The following FHIT variants were observed in gnomAD, a reference collection of about 807,000 sequenced individuals.
The protein encoded by FHIT is bis(5'-adenosyl)-triphosphatase.
Under a neutral mutation model 17.9 loss-of-function variants are expected in FHIT, and 19 were observed. The observed-to-expected ratio is 1.06, with a 90% CI of 0.74 to 1.56. The LOEUF is 1.56. Ranked by LOEUF, FHIT falls within the 40% of genes most tolerant of loss-of-function variation. FHIT has a pLI of 0.00. For missense variants in FHIT, 248 were observed against 189.2 expected, an observed-to-expected ratio of 1.31 and a Z score of -1.82; for synonymous variants, 81 against 69.7, an observed-to-expected ratio of 1.16 and a Z score of -0.81.
intron 1 of FHIT, among the ~76,000 whole-genome samples, chr3:61,213,032 T>TA (rs1179587969): frequency 6.6e-6 from 1 of 152,144 alleles, no homozygotes; most frequent in East Asian, 1.9e-4. Flanking sequence ...GAACAACCAG[T>TA]ACCAGCCACT....
At chr3:61,230,467 ACCATG>A (rs1560097499) in intron 1 of FHIT, among the ~76,000 whole-genome samples, 1 of 152,194 alleles carries the variant, frequency 6.6e-6, no homozygotes. Context: ...AGATGCCAGC[ACCATG>A]CTTGTACAGC....
At chr3:60,816,402 G>C (rs1575559997) in intron 4 of FHIT, among the ~76,000 whole-genome samples, 1 of 151,988 alleles carries the variant, frequency 6.6e-6, no homozygotes, top group East Asian at 1.9e-4. Flanking sequence ...TTATTATTTA[G>C]AGGTATGTTC....
At chr3:60,328,643 A>G (rs1256127961) in intron 5 of FHIT, among the ~76,000 whole-genome samples, 1 of 152,184 alleles carries the variant, frequency 6.6e-6, no homozygotes. Context: ...CAGCCAAACC[A>G]TATCAATCAT....
chr3:60,378,176 G>A (rs1222354043), intron 5 of FHIT, among the ~76,000 whole-genome samples: 1 of 151,612 alleles, frequency 6.6e-6, no homozygotes, highest in Non-Finnish European at 1.5e-5. Context: ...ACAGACGCCT[G>A]CCACTATGCC....
intron 3 of FHIT, among the ~76,000 whole-genome samples, chr3:60,882,675 T>C (rs1705031687): frequency 6.6e-6 from 1 of 152,086 alleles, no homozygotes; most frequent in Non-Finnish European, 1.5e-5. Flanking sequence ...CCCTTCCTGA[T>C]AAAAACCCTG....
chr3:61,055,826 T>G (rs562860564), intron 2 of FHIT, among the ~76,000 whole-genome samples: 4 of 152,062 alleles, frequency 2.6e-5, no homozygotes, highest in Non-Finnish European at 5.9e-5. Flanking sequence ...GTGGGGGTAT[T>G]TTTTTTAAGT....
chr3:60,574,132 T>C (rs1305741825), intron 4 of FHIT, among the ~76,000 whole-genome samples: 2 of 152,078 alleles, frequency 1.3e-5, no homozygotes, highest in Admixed American at 6.6e-5. Flanking sequence ...TTCTGACTAT[T>C]GTGTTCTACT....
chr3:59,990,506 G>T (rs188550637), intron 7 of FHIT, among the ~76,000 whole-genome samples: 1 of 152,028 alleles, frequency 6.6e-6, no homozygotes, highest in Non-Finnish European at 1.5e-5. Flanking sequence ...AGGGGAACCC[G>T]CTCTCACCAG....
chr3:59,757,850 T>G (rs1008067826), intron 8 of FHIT, among the ~76,000 whole-genome samples: 17 of 152,226 alleles, frequency 1.1e-4, no homozygotes, highest in Non-Finnish European at 1.5e-5. Flanking sequence ...TGTATTGTTT[T>G]TTTAGATCTG....
chr3:61,054,997 C>A (rs2034167121), intron 2 of FHIT, among the ~76,000 whole-genome samples: 1 of 152,218 alleles, frequency 6.6e-6, no homozygotes. Context: ...GGAGAACCTT[C>A]CCTGCTTTGG....
intron 3 of FHIT, among the ~76,000 whole-genome samples, chr3:60,939,196 G>A (rs1553773888): frequency 6.6e-6 from 1 of 152,128 alleles, no homozygotes. Flanking sequence ...AGTTTTCCAT[G>A]TTACTCGGTA....
intron 3 of FHIT, among the ~76,000 whole-genome samples, chr3:60,995,565 C>G (rs183334603): frequency 1.3e-5 from 2 of 152,206 alleles, no homozygotes; most frequent in Non-Finnish European, 2.9e-5. Flanking sequence ...TTCCCTCTCC[C>G]CAGACCGTGA....
chr3:60,704,634 C>A (rs1244241641), intron 4 of FHIT, among the ~76,000 whole-genome samples: 1 of 151,996 alleles, frequency 6.6e-6, no homozygotes, highest in Admixed American at 6.6e-5. Context: ...AAAAATGAAC[C>A]TTTTTTTGCA....
At chr3:60,425,915 T>C (rs1277147915) in intron 5 of FHIT, among the ~76,000 whole-genome samples, 3 of 152,150 alleles carry the variant, frequency 2.0e-5, no homozygotes, top group African/African-American at 7.2e-5. Context: ...TATGGAAATA[T>C]GTCCTTGTCT....
intron 5 of FHIT, among the ~76,000 whole-genome samples, chr3:60,291,158 G>C (rs1707966284): frequency 6.6e-6 from 1 of 152,130 alleles, no homozygotes; most frequent in Non-Finnish European, 1.5e-5. Flanking sequence ...CAAAGAAAGA[G>C]AATAGCTCTC....
At chr3:60,772,342 ATATATATATAT>A (rs1643591959) in intron 4 of FHIT, among the ~76,000 whole-genome samples, 1 of 21,302 alleles carries the variant, frequency 4.7e-5, no homozygotes, top group Non-Finnish European at 1.1e-4. Flanking sequence ...ATATATATAT[ATATATATATAT>A]ATTTGACATC....
intron 4 of FHIT, among the ~76,000 whole-genome samples, chr3:60,579,504 C>T (rs1235095809): frequency 6.6e-6 from 1 of 152,150 alleles, no homozygotes; most frequent in South Asian, 2.1e-4. Flanking sequence ...AGTGCCCTGG[C>T]AAGTTAATAT....
At chr3:60,732,684 C>CTT (rs3038041) in intron 4 of FHIT, 322 of 178,344 alleles carry the variant, frequency 1.8e-3, no homozygotes, top group South Asian at 2.5e-3. Flanking sequence ...GCAAAGACTG[C>CTT]TTTTTTTTTT....
chr3:60,967,204 T>C (rs1051462428), intron 3 of FHIT, among the ~76,000 whole-genome samples: 1 of 152,210 alleles, frequency 6.6e-6, no homozygotes, highest in African/African-American at 2.4e-5. Flanking sequence ...CTGGCAGTGA[T>C]TCACTGGATG....
Sources: allele counts gnomAD v4.1 joint callset (sites outside exome capture counted in the v4.1 genomes callset), GRCh38; gene constraint gnomAD v4.1.1; transcripts MANE v1.5; gene names NCBI Gene and HGNC (gene_info 2026-07-23, HGNC 2026-07-21).